The following SLC35F3 variants were observed in gnomAD, a reference collection of about 807,000 sequenced individuals.
The protein encoded by SLC35F3 is putative thiamine transporter SLC35F3.
A neutral mutation model predicts 49.9 loss-of-function variants in SLC35F3; 25 were observed. The observed-to-expected ratio is 0.50, with a 90% CI of 0.37 to 0.70. The LOEUF is 0.70. Ranked by LOEUF, SLC35F3 falls within the 30% of genes least tolerant of loss-of-function variation. SLC35F3 has a pLI of 0.00. For missense variants in SLC35F3, 525 were observed against 639.8 expected (o/e 0.82, Z 1.94); for synonymous variants, 275 against 265.4 (o/e 1.04, Z -0.35).
chr1:234,019,406 C>CTTGGAA (rs1663857409), intron 2 of SLC35F3, among the ~76,000 whole-genome samples: 1 of 152,148 alleles, frequency 6.6e-6, no homozygotes, highest in Non-Finnish European at 1.5e-5. Flanking sequence ...GAGAAATTTA[C>CTTGGAA]TTTAAGGAAC....
chr1:234,187,511 C>T (rs1209317393), intron 2 of SLC35F3, among the ~76,000 whole-genome samples: 1 of 152,138 alleles, frequency 6.6e-6, no homozygotes, highest in African/African-American at 2.4e-5. Flanking sequence ...ACCAGGAAAG[C>T]CAAGAGAATC....
intron 3 of SLC35F3, among the ~76,000 whole-genome samples, chr1:234,236,051 G>C (rs1667463002): frequency 6.6e-6 from 1 of 152,144 alleles, no homozygotes; most frequent in Non-Finnish European, 1.5e-5. Flanking sequence ...AGCCAAACAG[G>C]GTGGGGGTGC....
intron 2 of SLC35F3, among the ~76,000 whole-genome samples, chr1:233,951,061 CT>C (rs1662599316): frequency 6.6e-6 from 1 of 151,318 alleles, no homozygotes. Context: ...GCCAGAAATG[CT>C]TTTCATGTCC....
At chr1:233,958,435 A>G (rs1009445990) in intron 2 of SLC35F3, among the ~76,000 whole-genome samples, 20 of 152,224 alleles carry the variant, frequency 1.3e-4, no homozygotes, top group African/African-American at 4.3e-4. Flanking sequence ...TATTGAATCA[A>G]TGAATGAATG....
chr1:234,118,739 A>C (rs544314535), intron 2 of SLC35F3, among the ~76,000 whole-genome samples: 13 of 152,360 alleles, frequency 8.5e-5, no homozygotes, highest in African/African-American at 3.1e-4. Flanking sequence ...CAGGGAGGTG[A>C]AATGACCTGT....
chr1:234,031,176 C>T (rs1196685273), intron 2 of SLC35F3, among the ~76,000 whole-genome samples: 1 of 152,224 alleles, frequency 6.6e-6, no homozygotes, highest in African/African-American at 2.4e-5. Context: ...GACAAGCGCA[C>T]CCACTTTCTG....
At chr1:234,035,105 C>G in intron 2 of SLC35F3, among the ~76,000 whole-genome samples, 1 of 152,192 alleles carries the variant, frequency 6.6e-6, no homozygotes, top group Non-Finnish European at 1.5e-5. Context: ...TCCCTGCCTT[C>G]CGATCCCTGC....
Position 234,222,019 on chromosome 1 carries a change from G to A in SLC35F3, c.284-9398G>A, listed in dbSNP as rs553539151. On this transcript the variant is annotated intron_variant, in intron 2 of 7. Coordinates refer to ENST00000366618, the MANE Select transcript of SLC35F3 (RefSeq NM_173508.4). ...ACAATAAGGAATCTAGCATGTGCAT[G>A]TATGTGAGCATATGTGTGCATGTAA... is the stretch of plus-strand genomic sequence containing the variant. Among the ~76,000 whole-genome samples, 52 of 152,332 alleles carry A rather than the reference G, an allele frequency of 3.4e-4. No homozygotes were observed. The South Asian group carries it at 7.0e-3, about 21-fold the overall frequency.
chr1:233,958,225 G>A (rs1662737304), intron 2 of SLC35F3, among the ~76,000 whole-genome samples: 1 of 152,122 alleles, frequency 6.6e-6, no homozygotes, highest in Non-Finnish European at 1.5e-5. Context: ...TGCCCCTTAA[G>A]CCTTCTCTGA....
chr1:234,209,101 T>C (rs927099675), intron 2 of SLC35F3, among the ~76,000 whole-genome samples: 1 of 152,198 alleles, frequency 6.6e-6, no homozygotes. Context: ...CATCAAGATA[T>C]TATCTCATGC....
At chr1:234,143,952 G>A (rs1256065429) in intron 2 of SLC35F3, among the ~76,000 whole-genome samples, 3 of 152,140 alleles carry the variant, frequency 2.0e-5, no homozygotes, top group Non-Finnish European at 2.9e-5. Flanking sequence ...AACTTGAGCA[G>A]TGCCCCTAGG....
chr1:234,180,574 G>A (rs547779158), intron 2 of SLC35F3, among the ~76,000 whole-genome samples: 7 of 152,128 alleles, frequency 4.6e-5, no homozygotes, highest in African/African-American at 7.2e-5. Context: ...AGATCATGTC[G>A]CTAAATTTAG....
chr1:234,018,873 A>G (rs1038981751), intron 2 of SLC35F3, among the ~76,000 whole-genome samples: 1 of 152,168 alleles, frequency 6.6e-6, no homozygotes, highest in African/African-American at 2.4e-5. Context: ...TTTCGCTCTA[A>G]TATAATTTTT....
chr1:234,047,823 C>T (rs551854148), intron 2 of SLC35F3, among the ~76,000 whole-genome samples: 28 of 152,192 alleles, frequency 1.8e-4, no homozygotes, highest in South Asian at 1.7e-3. Flanking sequence ...TGTGAAGGGA[C>T]TGTTGATAGA....
intron 2 of SLC35F3, among the ~76,000 whole-genome samples, chr1:233,910,978 A>G (rs1379100356): frequency 6.6e-6 from 1 of 152,210 alleles, no homozygotes; most frequent in Non-Finnish European, 1.5e-5. Context: ...AGGTTAATGA[A>G]CAAATCCCAG....
At chr1:233,994,349 G>T (rs1219047443) in intron 2 of SLC35F3, among the ~76,000 whole-genome samples, 1 of 152,174 alleles carries the variant, frequency 6.6e-6, no homozygotes, top group African/African-American at 2.4e-5. Flanking sequence ...TATCCAAAAT[G>T]GCAGACCTCA....
rs182139287 is a variant in SLC35F3, at chr1:234,322,495, T to G, written c.1238-513T>G. Among the ~76,000 whole-genome samples the G allele has an allele frequency of 4.6e-5, 7 of 152,174 alleles. No individual in the cohort carries two copies. In the East Asian group the frequency reaches 1.4e-3, roughly 29 times the overall value. ...TAAGTGGAAGTGGGCCACATAAAGG[T>G]CTTCATCTTCACTGTCATCTTCACA... is the stretch of plus-strand genomic sequence containing the variant. On this transcript the variant is annotated intron_variant, in intron 7 of 7. Coordinates refer to ENST00000366618, the MANE Select transcript of SLC35F3 (RefSeq NM_173508.4).
chr1:234,239,078 G>C (rs1278811689), intron 3 of SLC35F3, among the ~76,000 whole-genome samples: 1 of 152,184 alleles, frequency 6.6e-6, no homozygotes, highest in African/African-American at 2.4e-5. Context: ...ATGCGGTCAT[G>C]ATACCTGAGG....
At chr1:233,976,697 G>A (rs1663088593) in intron 2 of SLC35F3, among the ~76,000 whole-genome samples, 1 of 151,920 alleles carries the variant, frequency 6.6e-6, no homozygotes, top group African/African-American at 2.4e-5. Context: ...TGCAACCTCT[G>A]ACTCCTGGGT....
Sources: allele counts gnomAD v4.1 joint callset (sites outside exome capture counted in the v4.1 genomes callset), GRCh38; gene constraint gnomAD v4.1.1; transcripts MANE v1.5; gene names NCBI Gene and HGNC (gene_info 2026-07-23, HGNC 2026-07-21).